Variants in PCDHGA2 observed in about 807,000 individuals in gnomAD.
PCDHGA2 encodes the protein protocadherin gamma-A2.
Under a neutral mutation model 59.2 loss-of-function variants are expected in PCDHGA2, and 40 were observed. The observed-to-expected ratio is 0.68, with a 90% CI of 0.52 to 0.88. The LOEUF (loss-of-function observed/expected upper bound fraction) is 0.88, where lower values mean the gene tolerates loss of function less well. Ranked by LOEUF, PCDHGA2 falls within the 40% of genes least tolerant of loss-of-function variation. The pLI is 0.00. For synonymous variants in PCDHGA2, 560 were observed against 526.0 expected, an observed-to-expected ratio of 1.06 and a Z score of -0.89; for missense variants, 1,226 against 1,204.0, an observed-to-expected ratio of 1.02 and a Z score of -0.27.
chr5:141,385,125 C>T (rs1206430746), intron 1 of PCDHGA2: 7 of 1,614,212 alleles, frequency 4.3e-6, no homozygotes, highest in Non-Finnish European at 8.5e-7. Context: ...ACTTTGTGGG[C>T]ATGGACGGGG....
At chr5:141,399,183 T>A (rs777520935) in intron 1 of PCDHGA2, 4 of 1,613,764 alleles carry the variant, frequency 2.5e-6, no homozygotes, top group Non-Finnish European at 3.4e-6. Context: ...TTGAAATGAT[T>A]CTGGAAAACG....
chr5:141,417,533 A>T (rs1253836392), intron 1 of PCDHGA2: 3 of 274,888 alleles, frequency 1.1e-5, no homozygotes, highest in African/African-American at 2.2e-5. Context: ...CTCGTAGTTT[A>T]AAAAAAATTC....
At chr5:141,419,432 C>T (rs2096381830) in intron 1 of PCDHGA2, 1 of 1,613,278 alleles carries the variant, frequency 6.2e-7, no homozygotes, top group East Asian at 2.2e-5. Flanking sequence ...CCACGAGCAG[C>T]TGCGCACCTT....
At chr5:141,423,967 A>C (rs760284844) in intron 1 of PCDHGA2, 11 of 1,153,498 alleles carry the variant, frequency 9.5e-6, no homozygotes, top group Non-Finnish European at 1.2e-5. Flanking sequence ...TTTTTCTATT[A>C]TCAGTGTATG....
intron 1 of PCDHGA2, chr5:141,361,045 A>G (rs1055845568): frequency 3.1e-6 from 5 of 1,613,552 alleles, no homozygotes; most frequent in Non-Finnish European, 3.4e-6. Context: ...AATCACGACA[A>G]AGGATGATTT....
intron 1 of PCDHGA2, chr5:141,356,189 G>A (rs1760147177): frequency 1.2e-6 from 2 of 1,610,782 alleles, no homozygotes; most frequent in South Asian, 1.1e-5. Flanking sequence ...CTCCGAGCTA[G>A]AAGCAAGGTA....
At chr5:141,365,414 C>G (rs568315403) in intron 1 of PCDHGA2, 2 of 1,613,988 alleles carry the variant, frequency 1.2e-6, no homozygotes, top group East Asian at 2.2e-5. Flanking sequence ...AGACTGTCTT[C>G]CCGGAACTGT....
Position 141,384,834 on chromosome 5 carries a change from C to T in PCDHGA2, c.2424+43439C>T, listed in dbSNP as rs369584315. 6.0e-5 allele frequency: 97 copies of T among 1,613,478 alleles called. No individual in the cohort carries two copies. The African/African-American group carries it at 1.2e-3, about 19-fold the overall frequency. On this transcript the variant is annotated intron_variant, in intron 1 of 3. Coordinates refer to ENST00000394576, the MANE Select transcript of PCDHGA2 (RefSeq NM_018915.4). The stretch of plus-strand genomic sequence containing the variant: ...CCCTCAAGCAGAGCCTCGTGGTGGC[C>T]GTCCAGGACCACGGTCAGCCTCCTC...
At chr5:141,398,882 G>C in intron 1 of PCDHGA2, 1 of 1,613,930 alleles carries the variant, frequency 6.2e-7, no homozygotes, top group Non-Finnish European at 8.5e-7. Flanking sequence ...GTCAGCCTTC[G>C]GGAAAACGTG....
At chr5:141,466,143 C>T (rs2099117622) in intron 1 of PCDHGA2, among the ~76,000 whole-genome samples, 1 of 151,816 alleles carries the variant, frequency 6.6e-6, no homozygotes, top group Admixed American at 6.6e-5. Flanking sequence ...CAAGTGAAAA[C>T]TCTGGTCTTA....
chr5:141,490,229 T>C lies in PCDHGA2; in HGVS notation c.2425-4578T>C. The C allele has an allele frequency of 6.2e-7, 1 of 1,614,198 alleles. No individual in the cohort carries two copies. Among genetic ancestry groups the C allele is most frequent in the Non-Finnish European group, 8.5e-7 (1 of 1,180,034 alleles). On this transcript the variant is annotated intron_variant, in intron 1 of 3. Coordinates refer to ENST00000394576, the MANE Select transcript of PCDHGA2 (RefSeq NM_018915.4). The surrounding 1 kb of genome is among the most constrained non-coding windows in gnomAD (Gnocchi z 5.4). ...GCCCGTGACCAGGGACAGCCTGCCA[T>C]GGAGGGCCACTGTGTGATTCAAGTG... is the stretch of plus-strand genomic sequence containing the variant.
rs757446808 is a variant in PCDHGA2 at position 141,351,031 on chromosome 5, C to T, written c.2424+9636C>T. The stretch of plus-strand genomic sequence containing the variant: ...AAGAAAACGTACCGTGGGGAACCTC[C>T]GTGCTGCGGGTGATGGCCACAGACC... On this transcript the variant is annotated intron_variant, in intron 1 of 3. Coordinates refer to ENST00000394576, the MANE Select transcript of PCDHGA2 (RefSeq NM_018915.4). 3 of 1,613,990 alleles carry T rather than the reference C, an allele frequency of 1.9e-6. No individual in the cohort carries two copies. In the Admixed American group the frequency reaches 5.0e-5, roughly 27 times the overall value.
chr5:141,377,799 T>C (rs1774359449), intron 1 of PCDHGA2: 1 of 152,206 alleles, frequency 6.6e-6, no homozygotes, highest in African/African-American at 2.4e-5. Flanking sequence ...TTCCTGTAAC[T>C]ATCTGTTATT....
chr5:141,428,679 TGGATGA>T (rs1231732563), intron 1 of PCDHGA2: 1 of 163,254 alleles, frequency 6.1e-6, no homozygotes, highest in Non-Finnish European at 1.3e-5. Flanking sequence ...CATTTACAAA[TGGATGA>T]GGTTTAATTT....
At position 141,341,560 on chromosome 5, in the gene PCDHGA2, C is replaced by A. The variant is rs1186887820; in HGVS notation, c.2424+165C>A. ...CTTGGTAGGTCTTAGTGTTCACAGG[C>A]TGTAAGAGGAAGAAGAGACGTGAGA... On this transcript the variant is annotated intron_variant, in intron 1 of 3. Coordinates refer to ENST00000394576, the MANE Select transcript of PCDHGA2 (RefSeq NM_018915.4). 10 of 1,340,820 alleles carry A rather than the reference C, an allele frequency of 7.5e-6. No homozygotes were observed. In the Admixed American group the frequency reaches 2.5e-4, roughly 33 times the overall value. The allele number at this position is 1,340,820 out of a possible 1,614,324, so 83.1% of individuals were successfully genotyped here. A position where few individuals can be genotyped will look rare whatever the true frequency, so the allele number is the denominator to read the frequency against.
At chr5:141,375,421 C>A in intron 1 of PCDHGA2, 1 of 1,613,998 alleles carries the variant, frequency 6.2e-7, no homozygotes, top group African/African-American at 1.3e-5. Context: ...CAGACACCAA[C>A]GACAACCCGC....
At chr5:141,430,946 G>A (rs2097328634) in intron 1 of PCDHGA2, 1 of 1,609,494 alleles carries the variant, frequency 6.2e-7, no homozygotes, top group Non-Finnish European at 8.5e-7. Flanking sequence ...CGCGGAGCGC[G>A]GAGTCCGCAT....
chr5:141,457,193 A>G (rs2154565853), intron 1 of PCDHGA2, among the ~76,000 whole-genome samples: 1 of 152,356 alleles, frequency 6.6e-6, no homozygotes, highest in African/African-American at 2.4e-5. Flanking sequence ...GAGTGAGGAA[A>G]GCAGTTCCCA....
At chr5:141,395,497 A>T in intron 1 of PCDHGA2, 1 of 472,724 alleles carries the variant, frequency 2.1e-6, no homozygotes, top group Non-Finnish European at 3.7e-6. Flanking sequence ...TCACTCATTC[A>T]CTTAAGAAGT....
Sources: allele counts gnomAD v4.1 joint callset (sites outside exome capture counted in the v4.1 genomes callset), GRCh38; gene constraint gnomAD v4.1.1; non-coding constraint Gnocchi (gnomAD v3.1); transcripts MANE v1.5; gene names NCBI Gene and HGNC (gene_info 2026-07-23, HGNC 2026-07-21).